SHROOM2: variants seen among roughly 807,000 people sequenced by gnomAD.
SHROOM2 encodes shroom family member 2, also known as protein Shroom2.
A neutral mutation model predicts 75.9 loss-of-function variants in SHROOM2; 33 were observed. That is an observed-to-expected ratio of 0.43 (90% CI 0.33 to 0.58). SHROOM2 has a LOEUF of 0.58. Among genes scored for constraint, SHROOM2 ranks in the 20% least tolerant of loss-of-function variants. SHROOM2 has a pLI of 0.04. For missense variants in SHROOM2, 1,434 were observed against 1,461.2 expected, an observed-to-expected ratio of 0.98 and a Z score of 0.30; for synonymous variants, 655 against 663.6, an observed-to-expected ratio of 0.99 and a Z score of 0.20.
rs756818854 is a variant in SHROOM2, at chrX:9,937,150, GACA to G, written c.3611_3613del (p.Asn1204del). 1.2e-4 allele frequency: 145 copies of G among 1,194,956 alleles called. No individual in the cohort carries two copies. In the African/African-American group the frequency reaches 1.9e-3, roughly 15 times the overall value. ...ATCTTCCAGAATTGAGCGGGTGATGGACAACAACACCACGGTGAAGATGGTGCC... is the reference window on the plus strand; with the variant it reads ...ATCTTCCAGAATTGAGCGGGTGATGGACAACACCACGGTGAAGATGGTGCC... On this transcript the variant is annotated inframe_deletion, in exon 7 of 10. Transcript: ENST00000380913.
At chrX:9,796,359 G>T (rs1221725184) in intron 1 of SHROOM2, among the ~76,000 whole-genome samples, 1 of 110,420 alleles carries the variant, frequency 9.1e-6, no homozygotes, top group Non-Finnish European at 1.9e-5. Context: ...AGGAGGTTGA[G>T]GGTGCAGTGA....
At chrX:9,816,740 C>G (rs773651789) in intron 1 of SHROOM2, among the ~76,000 whole-genome samples, 10 of 110,800 alleles carry the variant, frequency 9.0e-5, no homozygotes, top group Non-Finnish European at 1.1e-4. Context: ...ACGGTGTCCC[C>G]CCTTAGACAT....
chrX:9,833,509 C>T (rs1287740773), intron 1 of SHROOM2, among the ~76,000 whole-genome samples: 2 of 110,881 alleles, frequency 1.8e-5, no homozygotes, highest in African/African-American at 6.6e-5. Flanking sequence ...ACCCCTGCAT[C>T]GGACCTCCTA....
intron 5 of SHROOM2, among the ~76,000 whole-genome samples, chrX:9,908,203 T>C (rs1314602455): frequency 8.9e-6 from 1 of 112,671 alleles, no homozygotes; most frequent in Non-Finnish European, 1.9e-5. Context: ...CGCAGGATGC[T>C]GGAGCACCAG....
chrX:9,891,856 G>C (rs892490808), intron 3 of SHROOM2, among the ~76,000 whole-genome samples: 1 of 103,348 alleles, frequency 9.7e-6, no homozygotes, highest in Non-Finnish European at 2.0e-5. Context: ...GTGAGTATCA[G>C]TGAGCATGTT....
At chrX:9,834,194 A>G (rs191070562) in intron 1 of SHROOM2, among the ~76,000 whole-genome samples, 2,287 of 111,995 alleles carry the variant, frequency 0.02, 53 homozygotes, top group African/African-American at 0.069. Context: ...GTGCTGAGCC[A>G]AGAGCTGCAG....
chrX:9,799,000 C>T (rs1192746526), intron 1 of SHROOM2, among the ~76,000 whole-genome samples: 1 of 110,652 alleles, frequency 9.0e-6, no homozygotes, highest in African/African-American at 3.3e-5. Flanking sequence ...TCCACTCCCC[C>T]TCCTCATTTT....
At chrX:9,941,097 T>C (rs2084764648) in intron 8 of SHROOM2, among the ~76,000 whole-genome samples, 1 of 112,454 alleles carries the variant, frequency 8.9e-6, no homozygotes, top group Non-Finnish European at 1.9e-5. Context: ...ACCAGATAGC[T>C]GATTGGTTTA....
At chrX:9,884,178 G>A (rs1025245946) in intron 2 of SHROOM2, among the ~76,000 whole-genome samples, 5 of 110,753 alleles carry the variant, frequency 4.5e-5, no homozygotes, top group Admixed American at 9.6e-5. Context: ...GTTTCAGACC[G>A]TAGGCTCCCA....
chrX:9,807,771 GAGCCCTTCTGTGATCCTCCCTGAGAGC>G (rs1287191333), intron 1 of SHROOM2, among the ~76,000 whole-genome samples: 1 of 112,096 alleles, frequency 8.9e-6, no homozygotes. Context: ...TGTCTAAAGG[GAGCCCTTCTGTGATCCTCCCTGAGAGC>G]AGCCCTTCTG....
intron 1 of SHROOM2, among the ~76,000 whole-genome samples, chrX:9,794,458 C>T (rs1359544225): frequency 9.0e-6 from 1 of 111,552 alleles, no homozygotes; most frequent in Non-Finnish European, 1.9e-5. Flanking sequence ...CAACCTCCGC[C>T]TCCCAGGCTC....
At chrX:9,810,769 A>G (rs1170077159) in intron 1 of SHROOM2, among the ~76,000 whole-genome samples, 1 of 110,773 alleles carries the variant, frequency 9.0e-6, no homozygotes, top group African/African-American at 3.3e-5. Flanking sequence ...GATTCAGAGC[A>G]TACATGGCCT....
chrX:9,858,956 A>G (rs759275602), intron 1 of SHROOM2, among the ~76,000 whole-genome samples: 52 of 110,351 alleles, frequency 4.7e-4, no homozygotes, highest in Non-Finnish European at 4.7e-4. Flanking sequence ...GCTCATGCCT[A>G]TAATCCCAGC....
intron 2 of SHROOM2, among the ~76,000 whole-genome samples, chrX:9,876,540 AGCATTTTCTG>A (rs2084201819): frequency 8.9e-6 from 1 of 112,236 alleles, no homozygotes. Context: ...TGGATTAGGT[AGCATTTTCTG>A]GCATTTTATG....
chrX:9,812,524 C>T (rs1409558171), intron 1 of SHROOM2, among the ~76,000 whole-genome samples: 2 of 112,207 alleles, frequency 1.8e-5, no homozygotes, highest in African/African-American at 6.5e-5. Context: ...CGACAGGCCC[C>T]ATACCATTGG....
In SHROOM2 at chrX:9,810,355, A is replaced by G. The variant is rs569837148; in HGVS notation, c.165+23645A>G. Reference sequence around the variant, plus strand: ...TCACAGGGCATGGTAATACTAAGAGACGCCCTAATGGGTCTCCTGTATTGC... The same window carrying G: ...TCACAGGGCATGGTAATACTAAGAGGCGCCCTAATGGGTCTCCTGTATTGC... On this transcript the variant is annotated intron_variant, in intron 1 of 9. Coordinates refer to ENST00000380913, the MANE Select transcript of SHROOM2 (RefSeq NM_001649.4). 6.2e-4 allele frequency among the ~76,000 whole-genome samples: 69 copies of G among 110,920 alleles called. No individual in the cohort carries two copies. In the South Asian group the frequency reaches 0.021, roughly 34 times the overall value.
chrX:9,930,488 C>G (rs182206756), intron 5 of SHROOM2, among the ~76,000 whole-genome samples: 1 of 94,713 alleles, frequency 1.1e-5, no homozygotes, highest in Non-Finnish European at 2.1e-5. Flanking sequence ...GCCTGGACAA[C>G]AGAGTAAGAC....
At chrX:9,823,933 A>T (rs1306574119) in intron 1 of SHROOM2, among the ~76,000 whole-genome samples, 1 of 108,160 alleles carries the variant, frequency 9.2e-6, no homozygotes, top group East Asian at 2.9e-4. Flanking sequence ...TAATTTTAAA[A>T]TTTTTTGTAG....
At chrX:9,838,935 G>A (rs2083964408) in intron 1 of SHROOM2, among the ~76,000 whole-genome samples, 2 of 111,598 alleles carry the variant, frequency 1.8e-5, no homozygotes, top group Middle Eastern at 9.1e-3. Context: ...GGGCTGTGGT[G>A]GGAATGGCTT....
Sources: gnomAD v4.1 joint callset for allele counts (sites outside exome capture counted in the v4.1 genomes callset) on GRCh38, gnomAD v4.1.1 for gene constraint, MANE v1.5 for transcripts, NCBI Gene and HGNC (gene_info 2026-07-23, HGNC 2026-07-21) for gene names.